Variants in SPTBN1 observed in about 807,000 individuals in gnomAD.
The protein encoded by SPTBN1 is spectrin beta, non-erythrocytic 1.
Under a neutral mutation model 266.4 loss-of-function variants are expected in SPTBN1, and 32 were observed. The observed-to-expected ratio is 0.12, with a 90% CI of 0.09 to 0.16. The LOEUF is 0.16. SPTBN1 is among the 10% of genes least tolerant of loss of function. SPTBN1 has a pLI of 1.00. For synonymous variants in SPTBN1, 1,336 were observed against 1,162.2 expected, an observed-to-expected ratio of 1.15 and a Z score of -3.04; for missense variants, 2,296 against 3,067.1, an observed-to-expected ratio of 0.75 and a Z score of 5.94.
intron 32 of SPTBN1, chr2:54,662,089 C>A (rs1372949013): frequency 1.0e-6 from 1 of 985,384 alleles, no homozygotes; most frequent in Non-Finnish European, 1.2e-6. Flanking sequence ...TCATGTTCAC[C>A]TCCTGATTTA....
chr2:54,486,581 T>C (rs929749737), intron 1 of SPTBN1, among the ~76,000 whole-genome samples: 2 of 152,162 alleles, frequency 1.3e-5, no homozygotes, highest in South Asian at 2.1e-4. Flanking sequence ...ACACAAATAC[T>C]GTGGAAGGCA....
At position 54,653,775 on chromosome 2, in the gene SPTBN1, G is replaced by A. The variant is rs1359396975; in HGVS notation, c.5744G>A (p.Arg1915His). 9 of 1,614,204 alleles carry A rather than the reference G, an allele frequency of 5.6e-6. No individual in the cohort carries two copies. The highest frequency in any genetic ancestry group is 2.2e-5 in the East Asian group (1 of 44,890). ...VRLVDTGDKF[R>H]FFSMVRDLML... ...CTGGTGGACACAGGGGACAAGTTCC[G>A]CTTCTTCAGCATGGTGCGCGACCTC... Residue 1915 changes from arginine (R) to histidine (H), a missense_variant, in exon 27 of 36, where the codon CGC (arginine) becomes CAC (histidine). This residue lies in a region of SPTBN1 where 644 missense variants were observed against 745.3 expected (regional missense o/e 0.86). Transcript: ENST00000356805. This position sits in a 1 kb window ranked among gnomAD's most constrained non-coding sequence, Gnocchi z 5.1.
At chr2:54,556,136 C>G (rs941480919) in intron 2 of SPTBN1, among the ~76,000 whole-genome samples, 3 of 152,212 alleles carry the variant, frequency 2.0e-5, no homozygotes, top group Non-Finnish European at 2.9e-5. Context: ...ATACCTCTGG[C>G]CTTCCTTTAC....
intron 2 of SPTBN1, among the ~76,000 whole-genome samples, chr2:54,561,308 A>G (rs941027824): frequency 8.6e-5 from 13 of 151,988 alleles, no homozygotes; most frequent in Non-Finnish European, 1.9e-4. Context: ...TAATTTTTAA[A>G]TTTTTTGTAG....
rs958162190 is a variant in SPTBN1, at chr2:54,554,172, T to C, written c.148+27606T>C. ...ATACCACTTACTGAGTTCTGTGATT[T>C]TTCAGAAAAGCTTAGAAACCCATAG... On this transcript the variant is annotated intron_variant, in intron 2 of 35. Transcript: ENST00000356805. This position sits in a 1 kb window ranked among gnomAD's most constrained non-coding sequence, Gnocchi z 4.5. Among the ~76,000 whole-genome samples, 50 of 152,290 alleles carry C rather than the reference T, an allele frequency of 3.3e-4. 1 individual carries two copies. The highest frequency in any genetic ancestry group is 3.2e-3 in the Admixed American group (49 of 15,296).
chr2:54,628,165 C>A lies in SPTBN1; in HGVS notation c.1713C>A (p.Thr571=). 1.2e-6 allele frequency: 2 copies of A among 1,613,888 alleles called. No homozygotes were observed. The highest frequency in any genetic ancestry group is 1.7e-6 in the Non-Finnish European group (2 of 1,179,900). ...TGGAAGACCTGTTACAGAAGCACAC[C>A]CTGGTTGAAGCAGACATTGGCATCC... The part of the protein sequence containing the change: ...LGVEDLLQKH[T]LVEADIGIQA... The change falls in exon 13 of 36, where the codon ACC becomes ACA. Residue 571 remains threonine, a synonymous_variant. Coordinates refer to ENST00000356805, the MANE Select transcript of SPTBN1 (RefSeq NM_003128.3). The surrounding 1 kb of genome is among the most constrained non-coding windows in gnomAD (Gnocchi z 4.3).
At chr2:54,611,661 T>G (rs1266040403) in intron 3 of SPTBN1, among the ~76,000 whole-genome samples, 1 of 152,138 alleles carries the variant, frequency 6.6e-6, no homozygotes, top group Non-Finnish European at 1.5e-5. Flanking sequence ...CTTCACCCCA[T>G]CCCTCCACAC....
In SPTBN1 at chr2:54,637,783, T is replaced by C. The variant is rs757531293; in HGVS notation, c.3838T>C (p.Phe1280Leu). The C allele has an allele frequency of 1.2e-5, 20 of 1,613,872 alleles. No individual in the cohort carries two copies. Residue 1280 changes from phenylalanine (F) to leucine (L), a missense_variant, in exon 18 of 36, where the codon TTC becomes CTC. Physicochemically the swap from Phe to Leu is conservative, Grantham distance 22. Around this residue, in one of 12 missense-constraint regions of SPTBN1, gnomAD observed 386 missense variants for 486.1 expected, o/e 0.79. Coordinates refer to ENST00000356805, the MANE Select transcript of SPTBN1 (RefSeq NM_003128.3). ...GAAGGACAACAGGGATCTACAGAAA[T>C]TCCTGCAAGATTGTCAAGAGGTATG... ...RLKDNRDLQK[F>L]LQDCQELSLW...
At position 54,658,006 on chromosome 2, in the gene SPTBN1, C is replaced by G; in HGVS notation, c.6203C>G (p.Thr2068Ser). ...GAGGCATTTGAAAAGTCTGCAGCAA[C>G]CTGGGATGAGAGGTTCTCTGCCCTG... ...RHEAFEKSAA[T>S]WDERFSALER... Residue 2068 changes from threonine (T) to serine (S), a missense_variant, in exon 30 of 36, where the codon ACC (threonine) becomes AGC (serine). Physicochemically the swap from Thr to Ser is moderately conservative, Grantham distance 58 (BLOSUM62 1). Around this residue, in one of 12 missense-constraint regions of SPTBN1, gnomAD observed 3 missense variants for 16.1 expected, o/e 0.19. Transcript: ENST00000356805. The G allele has an allele frequency of 1.2e-6, 2 of 1,614,270 alleles. No individual in the cohort carries two copies. The highest frequency in any genetic ancestry group is 8.5e-7 in the Non-Finnish European group (1 of 1,180,046).
chr2:54,608,618 C>A (rs1677006895), intron 3 of SPTBN1, among the ~76,000 whole-genome samples: 1 of 151,964 alleles, frequency 6.6e-6, no homozygotes, highest in Non-Finnish European at 1.5e-5. Flanking sequence ...AAGGATGGAG[C>A]CAGATGGGCG....
chr2:54,654,954 A>ACCATCAGTTTCTTTCAAGG (rs142851449), intron 27 of SPTBN1, 116 bp from the exon 28 acceptor site: 2 of 1,383,870 alleles, frequency 1.4e-6, no homozygotes, highest in African/African-American at 2.9e-5. Flanking sequence ...GACCTGAAAG[A>ACCATCAGTTTCTTTCAAGG]CCATCAGTTT....
intron 1 of SPTBN1, among the ~76,000 whole-genome samples, chr2:54,486,773 A>T (rs532600115): frequency 1.3e-5 from 2 of 152,146 alleles, no homozygotes; most frequent in Non-Finnish European, 2.9e-5. Context: ...CTAACCATAG[A>T]AGAAGCTGCA....
intron 12 of SPTBN1, among the ~76,000 whole-genome samples, chr2:54,627,749 C>A (rs1387940031): frequency 2.0e-5 from 3 of 152,064 alleles, no homozygotes; most frequent in Non-Finnish European, 4.4e-5. Flanking sequence ...TGGAATCTTT[C>A]ATACAGCACC....
At chr2:54,491,413 G>T (rs1344565385) in intron 1 of SPTBN1, among the ~76,000 whole-genome samples, 2 of 152,158 alleles carry the variant, frequency 1.3e-5, no homozygotes, top group African/African-American at 2.4e-5. Context: ...TGACATTCTT[G>T]ATGAAGGACT....
intron 2 of SPTBN1, among the ~76,000 whole-genome samples, chr2:54,586,194 C>A (rs993783642): frequency 3.9e-5 from 6 of 152,274 alleles, no homozygotes; most frequent in Admixed American, 2.0e-4. Context: ...TAGTCCGTGG[C>A]TTACTTGCGT....
In SPTBN1 at chr2:54,646,347, G is replaced by C; in HGVS notation, c.4738G>C (p.Glu1580Gln). Residue 1580 changes from glutamate (E) to glutamine (Q), a missense_variant, in exon 23 of 36, where the codon GAG becomes CAG. Glu to Gln is a conservative substitution (Grantham distance 29, BLOSUM62 2). Around this residue, in one of 12 missense-constraint regions of SPTBN1, gnomAD observed 644 missense variants for 745.3 expected, o/e 0.86. Coordinates refer to ENST00000356805, the MANE Select transcript of SPTBN1 (RefSeq NM_003128.3). This position sits in a 1 kb window ranked among gnomAD's most constrained non-coding sequence, Gnocchi z 4.4. ...LKQLWGLLIE[E>Q]TEKRHRRLEE... ...GCAGCTGTGGGGTCTCCTCATTGAG[G>C]AGACAGAGAAACGCCACAGGCGGCT... 2 of 1,614,076 alleles carry C rather than the reference G, an allele frequency of 1.2e-6. No homozygotes were observed. Among genetic ancestry groups the C allele is most frequent in the Non-Finnish European group, 1.7e-6 (2 of 1,179,960 alleles).
chr2:54,482,603 T>G (rs1047627299), intron 1 of SPTBN1, among the ~76,000 whole-genome samples: 2 of 152,238 alleles, frequency 1.3e-5, no homozygotes, highest in Admixed American at 6.5e-5. Context: ...CTTATGTTTA[T>G]GTGAATTAAA....
intron 1 of SPTBN1, among the ~76,000 whole-genome samples, chr2:54,498,047 C>G (rs183934188): frequency 6.6e-6 from 1 of 152,160 alleles, no homozygotes; most frequent in African/African-American, 2.4e-5. Context: ...TTTCTGTATT[C>G]TTTTGCTTAA....
intron 28 of SPTBN1, among the ~76,000 whole-genome samples, chr2:54,655,633 G>A (rs572204989): frequency 2.6e-5 from 4 of 152,346 alleles, no homozygotes; most frequent in Non-Finnish European, 2.9e-5. Context: ...GGCTTTGTCC[G>A]TCTTGCTGTC....
Sources: allele counts gnomAD v4.1 joint callset (sites outside exome capture counted in the v4.1 genomes callset), GRCh38; gene constraint gnomAD v4.1.1; regional missense constraint gnomAD v4.1.1; non-coding constraint Gnocchi (gnomAD v3.1); transcripts MANE v1.5; gene names NCBI Gene and HGNC (gene_info 2026-07-23, HGNC 2026-07-21).